The following PDGFRL variants were observed in gnomAD, a reference collection of about 807,000 sequenced individuals.
PDGFRL encodes platelet-derived growth factor receptor-like protein.
In PDGFRL, 46 loss-of-function variants were observed where a neutral mutation model predicts 37.2. The observed-to-expected ratio is 1.24, with a 90% CI of 0.98 to 1.58. The LOEUF is 1.58. Ranked by LOEUF, PDGFRL falls within the 40% of genes most tolerant of loss-of-function variation. The probability of loss-of-function intolerance (pLI) is 0.00; values close to 1 mark genes in which losing one functional copy is unlikely to be tolerated. For synonymous variants in PDGFRL, 251 were observed against 184.3 expected (o/e 1.36, Z -2.93); for missense variants, 692 against 467.6 (o/e 1.48, Z -4.43).
chr8:17,604,919 G>C (rs1804241823), intron 2 of PDGFRL, among the ~76,000 whole-genome samples: 1 of 152,082 alleles, frequency 6.6e-6, no homozygotes, highest in Non-Finnish European at 1.5e-5. Flanking sequence ...TTTGAGACCA[G>C]CTTGGGCAAC....
At chr8:17,592,701 G>A (rs928126621) in intron 2 of PDGFRL, among the ~76,000 whole-genome samples, 1 of 152,106 alleles carries the variant, frequency 6.6e-6, no homozygotes, top group African/African-American at 2.4e-5. Flanking sequence ...CACTGTCTCT[G>A]GGAAACCCAT....
rs746239320 is a variant in PDGFRL at position 17,589,475 on chromosome 8, C to A, written c.63C>A (p.Gly21=). The A allele has an allele frequency of 8.1e-6, 13 of 1,611,870 alleles. No individual in the cohort carries two copies. The highest frequency in any genetic ancestry group is 1.1e-5 in the Non-Finnish European group (13 of 1,178,776). The change falls in exon 2 of 6, where the codon GGC becomes GGA. Residue 21 remains glycine (G), a synonymous_variant. Transcript: ENST00000251630. The stretch of plus-strand genomic sequence containing the variant: ...TCTCCTTACGTTTTGCAGTTACTGG[C>A]CAACACCTTCCCAAGAACAAGCGTC... ...LVHEALEDVT[G]QHLPKNKRPK...
chr8:17,578,792 C>T (rs1803642912), intron 1 of PDGFRL, among the ~76,000 whole-genome samples: 1 of 152,140 alleles, frequency 6.6e-6, no homozygotes, highest in African/African-American at 2.4e-5. Context: ...TAAGTGTAAT[C>T]CATACAAACA....
At chr8:17,621,437 T>G (rs1804632764) in intron 3 of PDGFRL, among the ~76,000 whole-genome samples, 3 of 150,372 alleles carry the variant, frequency 2.0e-5, no homozygotes, top group African/African-American at 4.9e-5. Context: ...AAAGTTGAGG[T>G]TTAGAGTGAT....
intron 2 of PDGFRL, among the ~76,000 whole-genome samples, chr8:17,610,566 T>C (rs1804389889): frequency 6.6e-6 from 1 of 152,138 alleles, no homozygotes; most frequent in African/African-American, 2.4e-5. Context: ...GAGTAACCCA[T>C]ATACATCTGA....
At chr8:17,603,334 T>C (rs977189192) in intron 2 of PDGFRL, among the ~76,000 whole-genome samples, 1 of 152,344 alleles carries the variant, frequency 6.6e-6, no homozygotes, top group East Asian at 1.9e-4. Flanking sequence ...TAAGTGTATG[T>C]ACCCACACAG....
intron 2 of PDGFRL, among the ~76,000 whole-genome samples, chr8:17,616,442 C>G (rs772148861): frequency 2.0e-5 from 3 of 151,932 alleles, no homozygotes; most frequent in Non-Finnish European, 4.4e-5. Flanking sequence ...ATCCACCCAC[C>G]TCGGCCTCCC....
chr8:17,596,364 G>T, intron 2 of PDGFRL: 1 of 1,224,116 alleles, frequency 8.2e-7, no homozygotes. Context: ...GCGCCCGCAG[G>T]ACCGGCCCTG....
In PDGFRL at chr8:17,589,448, T is replaced by C; in HGVS notation, c.56-20T>C. On this transcript the variant is annotated intron_variant, in intron 1 of 5. Transcript: ENST00000251630. Reference sequence around the variant, plus strand: ...AAATGTCATTACTACAGCGCATTTCTCTCTCCTTACGTTTTGCAGTTACTG... The same window carrying C: ...AAATGTCATTACTACAGCGCATTTCCCTCTCCTTACGTTTTGCAGTTACTG... The C allele has an allele frequency of 1.9e-6, 3 of 1,587,048 alleles. No individual in the cohort carries two copies. The highest frequency in any genetic ancestry group is 2.6e-6 in the Non-Finnish European group (3 of 1,163,188).
intron 3 of PDGFRL, among the ~76,000 whole-genome samples, chr8:17,624,478 C>G (rs1804694155): frequency 6.6e-6 from 1 of 152,148 alleles, no homozygotes; most frequent in Admixed American, 6.5e-5. Flanking sequence ...GAATACAGCT[C>G]AATAAATTAT....
intron 2 of PDGFRL, among the ~76,000 whole-genome samples, chr8:17,606,260 G>C (rs887786301): frequency 5.9e-5 from 9 of 152,216 alleles, no homozygotes; most frequent in Middle Eastern, 3.4e-3. Flanking sequence ...TAAGGAGATA[G>C]TTCAGTACAC....
chr8:17,624,939 A>G (rs559141493), intron 3 of PDGFRL, among the ~76,000 whole-genome samples: 4 of 152,056 alleles, frequency 2.6e-5, no homozygotes, highest in Non-Finnish European at 5.9e-5. Flanking sequence ...TGTAATTTGG[A>G]TTTAGTTTAT....
At chr8:17,612,350 C>A (rs1804436605) in intron 2 of PDGFRL, among the ~76,000 whole-genome samples, 1 of 151,738 alleles carries the variant, frequency 6.6e-6, no homozygotes, top group African/African-American at 2.4e-5. Flanking sequence ...TTCCCTCTTC[C>A]TTCTTCCTTC....
intron 3 of PDGFRL, among the ~76,000 whole-genome samples, chr8:17,622,730 G>T (rs973991510): frequency 1.3e-5 from 2 of 152,168 alleles, no homozygotes; most frequent in African/African-American, 4.8e-5. Flanking sequence ...AAAAAGAGGG[G>T]TCCTGAAAGC....
intron 2 of PDGFRL, among the ~76,000 whole-genome samples, chr8:17,606,311 C>T (rs542149886): frequency 1.3e-5 from 2 of 152,168 alleles, no homozygotes; most frequent in Non-Finnish European, 2.9e-5. Flanking sequence ...CTTTTGTATG[C>T]GAACTCACTT....
chr8:17,638,335 C>T (rs960647159), intron 5 of PDGFRL, among the ~76,000 whole-genome samples: 9 of 152,036 alleles, frequency 5.9e-5, no homozygotes, highest in Non-Finnish European at 1.0e-4. Context: ...TATTTAATTT[C>T]CATGTGTTTG....
At chr8:17,609,486 A>C (rs1563517480) in intron 2 of PDGFRL, among the ~76,000 whole-genome samples, 1 of 151,478 alleles carries the variant, frequency 6.6e-6, no homozygotes, top group East Asian at 1.9e-4. Context: ...AAAAAAAAAA[A>C]AATTACCTGG....
At chr8:17,598,228 T>C (rs2588140) in intron 2 of PDGFRL, among the ~76,000 whole-genome samples, 140,699 of 152,300 alleles carry the variant, frequency 0.92, 65,285 homozygotes, top group South Asian at 0.99. Context: ...TTCCGTTTAT[T>C]ACTAACCAGC....
intron 3 of PDGFRL, among the ~76,000 whole-genome samples, chr8:17,624,120 A>G (rs191125974): frequency 4.0e-4 from 61 of 152,186 alleles, no homozygotes; most frequent in Non-Finnish European, 6.6e-4. Context: ...GGGTTTGGCA[A>G]TTTGTCTTTT....
Sources: gnomAD v4.1 joint callset for allele counts (sites outside exome capture counted in the v4.1 genomes callset) on GRCh38, gnomAD v4.1.1 for gene constraint, MANE v1.5 for transcripts, NCBI Gene and HGNC (gene_info 2026-07-23, HGNC 2026-07-21) for gene names.